The following GLG1 variants were observed in gnomAD, a reference collection of about 807,000 sequenced individuals.
GLG1 encodes the protein Golgi apparatus protein 1.
Under a neutral mutation model 160.5 loss-of-function variants are expected in GLG1, and 38 were observed. The ratio of observed to expected loss-of-function variants is 0.24; its 90% CI spans 0.18 to 0.31. The LOEUF is 0.31. GLG1 is among the 10% of genes least tolerant of loss of function. The pLI is 1.00. For missense variants in GLG1, 1,373 were observed against 1,505.2 expected (o/e 0.91, Z 1.45); for synonymous variants, 644 against 543.4 (o/e 1.19, Z -2.57).
chr16:74,502,722 G>GTTTTTTT (rs745410150), intron 4 of GLG1, among the ~76,000 whole-genome samples: 60 of 109,530 alleles, frequency 5.5e-4, no homozygotes, highest in African/African-American at 1.1e-3. Flanking sequence ...TTTGTTTTTG[G>GTTTTTTT]TTTTTTTTTT....
intron 1 of GLG1, among the ~76,000 whole-genome samples, chr16:74,579,495 G>C (rs933146170): frequency 2.0e-5 from 3 of 151,502 alleles, no homozygotes; most frequent in Admixed American, 1.3e-4. Context: ...GCCGAAGTGG[G>C]TGGATCACCT....
intron 1 of GLG1, chr16:74,563,338 G>C (rs997884121): frequency 2.0e-5 from 3 of 152,232 alleles, no homozygotes; most frequent in African/African-American, 7.2e-5. Flanking sequence ...AGGTGAAAAA[G>C]AACACTAGTG....
intron 4 of GLG1, among the ~76,000 whole-genome samples, chr16:74,500,867 G>C (rs928595688): frequency 6.6e-6 from 1 of 152,030 alleles, no homozygotes; most frequent in Admixed American, 6.6e-5. Context: ...AAATTCTAAA[G>C]CCTTTATTAA....
At chr16:74,544,132 G>A (rs1453862586) in intron 1 of GLG1, among the ~76,000 whole-genome samples, 1 of 152,126 alleles carries the variant, frequency 6.6e-6, no homozygotes, top group Non-Finnish European at 1.5e-5. Flanking sequence ...CCCTAATAAA[G>A]AATGTTCATC....
chr16:74,598,950 G>C (rs1020672347), intron 1 of GLG1, among the ~76,000 whole-genome samples: 1 of 151,612 alleles, frequency 6.6e-6, no homozygotes, highest in African/African-American at 2.4e-5. Flanking sequence ...TTTTGTTATT[G>C]TTCCTGAGTA....
chr16:74,587,597 G>A (rs1202422457), intron 1 of GLG1, among the ~76,000 whole-genome samples: 2 of 152,292 alleles, frequency 1.3e-5, no homozygotes, highest in East Asian at 3.9e-4. Context: ...GGCTGGGCAC[G>A]GTGGCTCACG....
chr16:74,514,914 C>G (rs1247281868), intron 2 of GLG1, among the ~76,000 whole-genome samples: 1 of 151,450 alleles, frequency 6.6e-6, no homozygotes, highest in Non-Finnish European at 1.5e-5. Flanking sequence ...CAAAGACACA[C>G]ATAGGCTCAA....
At position 74,450,060 on chromosome 16, in the gene GLG1, C is replaced by T. The variant is rs1257921590; in HGVS notation, c.*3107G>A. On this transcript the variant is annotated 3_prime_UTR_variant, in exon 26 of 26. Transcript: ENST00000422840. ...CAGGTACCTCTAGAGGGCTGTGGCG[C>T]ACACTATGCATAAGTCACAGGGACA... 1.3e-5 allele frequency: 2 copies of T among 152,256 alleles called. No individual in the cohort carries two copies. Among genetic ancestry groups the T allele is most frequent in the African/African-American group, 4.8e-5 (2 of 41,456 alleles). The allele number at this position is 152,256 out of a possible 1,614,324, so 9.4% of individuals were successfully genotyped here. A position where few individuals can be genotyped will look rare whatever the true frequency, so the allele number is the denominator to read the frequency against.
At chr16:74,466,020 G>A (rs2014986969) in intron 18 of GLG1, among the ~76,000 whole-genome samples, 1 of 152,174 alleles carries the variant, frequency 6.6e-6, no homozygotes, top group Admixed American at 6.5e-5. Flanking sequence ...AACTCAGGAT[G>A]ACTGGCAGGC....
chr16:74,572,035 T>C (rs953506698), intron 1 of GLG1, among the ~76,000 whole-genome samples: 3 of 151,912 alleles, frequency 2.0e-5, no homozygotes, highest in Admixed American at 6.6e-5. Context: ...AATGGTGGTG[T>C]TGGGGGTGGT....
intron 1 of GLG1, among the ~76,000 whole-genome samples, chr16:74,550,321 G>A (rs1387658446): frequency 4.6e-5 from 7 of 152,164 alleles, no homozygotes; most frequent in African/African-American, 1.7e-4. Flanking sequence ...GAAAGAGCTC[G>A]AAGTCTCAAT....
At chr16:74,471,352 T>G in intron 14 of GLG1, 66 bp from the exon 15 acceptor site, 1 of 899,308 alleles carries the variant, frequency 1.1e-6, no homozygotes, top group Non-Finnish European at 1.9e-6. Context: ...TGTAGCCCAG[T>G]CCGAAACAAA....
chr16:74,585,098 G>C (rs12444177), intron 1 of GLG1, among the ~76,000 whole-genome samples: 2,812 of 143,840 alleles, frequency 0.02, 35 homozygotes, highest in Non-Finnish European at 0.029. Context: ...TTAAATCGCA[G>C]ATTCAAAAAC....
intron 19 of GLG1, among the ~76,000 whole-genome samples, chr16:74,463,689 T>C (rs1315300224): frequency 3.3e-5 from 5 of 151,966 alleles, no homozygotes; most frequent in Non-Finnish European, 5.9e-5. Context: ...GTAGCGGGGA[T>C]TACAGGCGTG....
At chr16:74,467,627 G>C in intron 18 of GLG1, 129 bp downstream of exon 18, 1 of 629,982 alleles carries the variant, frequency 1.6e-6, no homozygotes, top group Non-Finnish European at 2.8e-6. Context: ...GAAGGGATGA[G>C]ATGGGTCCTG....
intron 25 of GLG1, 51 bp downstream of exon 25, chr16:74,456,598 T>C (rs1398875340): frequency 1.9e-6 from 2 of 1,061,026 alleles, no homozygotes; most frequent in Non-Finnish European, 2.9e-6. Flanking sequence ...ATTGGTGAAG[T>C]GTTCCATATT....
intron 2 of GLG1, among the ~76,000 whole-genome samples, chr16:74,510,531 T>C (rs891285829): frequency 6.6e-6 from 1 of 152,320 alleles, no homozygotes; most frequent in East Asian, 1.9e-4. Flanking sequence ...AGACTTGGGA[T>C]GATGTAGAAC....
chr16:74,470,265 T>C (rs1160046624), intron 15 of GLG1, among the ~76,000 whole-genome samples, 192 bp from the exon 16 acceptor site: 1 of 150,836 alleles, frequency 6.6e-6, no homozygotes, highest in Non-Finnish European at 1.5e-5. Flanking sequence ...CCTTCCTTCC[T>C]TCCCTCCCTC....
At chr16:74,469,144 C>G (rs2015107816) in intron 16 of GLG1, 81 bp from the exon 17 acceptor site, 5 of 857,786 alleles carry the variant, frequency 5.8e-6, no homozygotes, top group South Asian at 5.4e-5. Context: ...GGGGGTCACA[C>G]CATTAAGAAT....
Sources: gnomAD v4.1 joint callset for allele counts (sites outside exome capture counted in the v4.1 genomes callset) on GRCh38, gnomAD v4.1.1 for gene constraint, MANE v1.5 for transcripts, NCBI Gene and HGNC (gene_info 2026-07-23, HGNC 2026-07-21) for gene names.